NLRP11: variants seen among roughly 807,000 people sequenced by gnomAD.
NLRP11 encodes the protein NLR family pyrin domain containing 11.
NLRP11 carries 53 observed loss-of-function variants against 79.3 expected under a neutral mutation model. That is an observed-to-expected ratio of 0.67 (90% CI 0.54 to 0.84). The LOEUF (loss-of-function observed/expected upper bound fraction) is 0.84. Among genes scored for constraint, NLRP11 ranks in the 40% least tolerant of loss-of-function variants. The pLI is 0.00. For synonymous variants in NLRP11, 518 were observed against 462.6 expected, an observed-to-expected ratio of 1.12 and a Z score of -1.54; for missense variants, 1,264 against 1,255.0, an observed-to-expected ratio of 1.01 and a Z score of -0.11.
chr19:55,789,147 T>G, intron 8 of NLRP11, 82 bp downstream of exon 8: 1 of 1,438,386 alleles, frequency 7.0e-7, no homozygotes, highest in Non-Finnish European at 9.5e-7. Flanking sequence ...CGAGGTATTG[T>G]ATTTCCCAAT....
At chr19:55,788,245 G>A (rs894513585) in intron 9 of NLRP11, among the ~76,000 whole-genome samples, 4 of 152,048 alleles carry the variant, frequency 2.6e-5, no homozygotes, top group African/African-American at 4.8e-5. Context: ...GAAAATATTC[G>A]TAGAACCCTT....
Position 55,809,291 on chromosome 19 carries a change from T to C in NLRP11, c.1319A>G (p.Asn440Ser), listed in dbSNP as rs750997351. The change falls in exon 3 of 10, where the codon AAC (asparagine) becomes AGC (serine). Residue 440 changes from asparagine to serine, a missense_variant. Transcript: ENST00000589093. The surrounding 1 kb of genome is among the most constrained non-coding windows in gnomAD (Gnocchi z 4.5). ...GAACTTGTAACGGTCTTTATGAGTGTTGCTCGGCAAAAGAATATTCGCGGC... is the reference window on the plus strand; with the variant it reads ...GAACTTGTAACGGTCTTTATGAGTGCTGCTCGGCAAAAGAATATTCGCGGC... 1.6e-5 allele frequency: 26 copies of C among 1,613,952 alleles called. No individual in the cohort carries two copies. The highest frequency in any genetic ancestry group is 2.2e-5 in the Non-Finnish European group (26 of 1,179,954).
chr19:55,806,028 C>T (rs183394525), intron 4 of NLRP11, among the ~76,000 whole-genome samples: 1 of 152,176 alleles, frequency 6.6e-6, no homozygotes, highest in Non-Finnish European at 1.5e-5. Flanking sequence ...GGGAAACTTG[C>T]CTCACTGGGA....
At position 55,801,869 on chromosome 19, in the gene NLRP11, G is replaced by A. The variant is rs1600183447; in HGVS notation, c.2004-130C>T. 8.2e-6 allele frequency: 6 copies of A among 733,442 alleles called. No homozygotes were observed. The East Asian group carries it at 1.1e-4, about 13-fold the overall frequency. The allele number at this position is 733,442 out of a possible 1,614,324, so 45.4% of individuals were successfully genotyped here. A position where few individuals can be genotyped will look rare whatever the true frequency, so the allele number is the denominator to read the frequency against. On this transcript the variant is annotated intron_variant, in intron 4 of 9. Transcript: ENST00000589093. ...GATTACATCCTCACACATGGCTCTC[G>A]ATCTTAAATTTCTAGTCAGGTCAGA...
intron 1 of NLRP11, among the ~76,000 whole-genome samples, chr19:55,830,729 T>G (rs1040916788): frequency 9.9e-5 from 15 of 152,208 alleles, no homozygotes; most frequent in African/African-American, 3.6e-4. Context: ...CTTTTTAAGT[T>G]GGTTGCTGGA....
intron 2 of NLRP11, among the ~76,000 whole-genome samples, chr19:55,815,078 A>G (rs931415227): frequency 7.0e-6 from 1 of 142,600 alleles, no homozygotes; most frequent in Non-Finnish European, 1.5e-5. Context: ...TATGGCCTCA[A>G]AATAGAGAAC....
At chr19:55,806,787 C>T (rs1395702173) in intron 4 of NLRP11, among the ~76,000 whole-genome samples, 3 of 152,156 alleles carry the variant, frequency 2.0e-5, no homozygotes, top group Non-Finnish European at 4.4e-5. Flanking sequence ...GAGCCATCTC[C>T]GTAATACCCT....
intron 4 of NLRP11, among the ~76,000 whole-genome samples, chr19:55,804,391 G>T (rs768061271): frequency 6.6e-6 from 1 of 151,744 alleles, no homozygotes; most frequent in South Asian, 2.1e-4. Flanking sequence ...TTGGATAAAC[G>T]TGATACATAT....
intron 4 of NLRP11, among the ~76,000 whole-genome samples, chr19:55,803,288 AGT>A (rs1979659830): frequency 1.3e-5 from 2 of 152,190 alleles, no homozygotes; most frequent in South Asian, 4.1e-4. Context: ...CGGAGGTTGC[AGT>A]GAGCCGAGAT....
chr19:55,830,207 AGT>A (rs1218003539), intron 1 of NLRP11, among the ~76,000 whole-genome samples: 3 of 152,150 alleles, frequency 2.0e-5, no homozygotes, highest in African/African-American at 7.2e-5. Context: ...ATTAGGGATT[AGT>A]AAGTTAAGCC....
intron 6 of NLRP11, among the ~76,000 whole-genome samples, 181 bp from the exon 7 acceptor site, chr19:55,792,652 GA>G (rs1978390579): frequency 6.6e-6 from 1 of 152,202 alleles, no homozygotes; most frequent in Non-Finnish European, 1.5e-5. Flanking sequence ...TGCAGAGGCT[GA>G]AATACAGAAT....
chr19:55,805,852 G>A (rs1166698994), intron 4 of NLRP11, among the ~76,000 whole-genome samples: 2 of 152,220 alleles, frequency 1.3e-5, no homozygotes, highest in African/African-American at 4.8e-5. Context: ...AAAGTCTTCA[G>A]TTCTCCTTTC....
At chr19:55,817,823 A>G (rs1369242468) in intron 2 of NLRP11, 81 bp downstream of exon 2, 38 of 967,322 alleles carry the variant, frequency 3.9e-5, no homozygotes, top group Admixed American at 2.3e-4. Context: ...CTATTTAGAA[A>G]AAAAAAAAAA....
intron 6 of NLRP11, among the ~76,000 whole-genome samples, chr19:55,793,010 T>A (rs1978425571): frequency 6.6e-6 from 1 of 152,168 alleles, no homozygotes; most frequent in South Asian, 2.1e-4. Context: ...AATCTGGATT[T>A]CCAGCCTCTA....
rs1259549507 is a variant in NLRP11, at chr19:55,830,081, CA to C, written c.-63+1881del. On this transcript the variant is annotated intron_variant, in intron 1 of 9. Coordinates refer to ENST00000589093, the Ensembl canonical transcript of NLRP11. ...TTGAAACTTCATGTATAAGTGGACACATGCAGCTCAAACCTGTATTGTTCAA... is the reference window on the plus strand; with the variant it reads ...TTGAAACTTCATGTATAAGTGGACACTGCAGCTCAAACCTGTATTGTTCAA... 2.0e-5 allele frequency among the ~76,000 whole-genome samples: 3 copies of C among 152,220 alleles called. No individual in the cohort carries two copies. The East Asian group carries it at 5.8e-4, about 29-fold the overall frequency.
chr19:55,828,921 G>T (rs377008765), intron 1 of NLRP11, among the ~76,000 whole-genome samples: 2 of 139,852 alleles, frequency 1.4e-5, no homozygotes, highest in African/African-American at 2.9e-5. Context: ...ACATAGAGAA[G>T]ATTTTAAAGT....
At chr19:55,795,782 CCGGCCGTGACCACCATTT>C (rs1978785479) in intron 6 of NLRP11, among the ~76,000 whole-genome samples, 1 of 152,122 alleles carries the variant, frequency 6.6e-6, no homozygotes, top group Non-Finnish European at 1.5e-5. Flanking sequence ...GCCACCGCGT[CCGGCCGTGACCACCATTT>C]TTAACTCTTA....
intron 2 of NLRP11, among the ~76,000 whole-genome samples, chr19:55,816,964 C>T (rs1326166054): frequency 6.6e-6 from 1 of 152,106 alleles, no homozygotes; most frequent in African/African-American, 2.4e-5. Flanking sequence ...TGTATCAAAA[C>T]CACCAAGCTA....
chr19:55,814,640 CCAT>C (rs1980910946), intron 2 of NLRP11, among the ~76,000 whole-genome samples: 2 of 152,136 alleles, frequency 1.3e-5, no homozygotes, highest in Non-Finnish European at 2.9e-5. Flanking sequence ...AAGTTTACCA[CCAT>C]GTCAAGGTAC....
Sources: allele counts gnomAD v4.1 joint callset (sites outside exome capture counted in the v4.1 genomes callset), GRCh38; gene constraint gnomAD v4.1.1; non-coding constraint Gnocchi (gnomAD v3.1); transcripts MANE v1.5; gene names NCBI Gene and HGNC (gene_info 2026-07-23, HGNC 2026-07-21).